The following PLEKHG4 variants were observed in gnomAD, a reference collection of about 807,000 sequenced individuals.
The protein encoded by PLEKHG4 is pleckstrin homology and RhoGEF domain containing G4.
A neutral mutation model predicts 136.9 loss-of-function variants in PLEKHG4; 85 were observed. The ratio of observed to expected loss-of-function variants is 0.62; its 90% CI spans 0.52 to 0.74. The LOEUF is 0.74. Ranked by LOEUF, PLEKHG4 falls within the 30% of genes least tolerant of loss-of-function variation. The pLI is 0.00. For synonymous variants in PLEKHG4, 577 were observed against 646.9 expected, an observed-to-expected ratio of 0.89 and a Z score of 1.64; for missense variants, 1,317 against 1,527.8, an observed-to-expected ratio of 0.86 and a Z score of 2.30.
Position 67,285,315 on chromosome 16 carries a change from G to T in PLEKHG4, c.2221G>T (p.Val741Leu). The change falls in exon 14 of 22, where the codon GTG becomes TTG. Residue 741 changes from valine to leucine, a missense_variant. Transcript: ENST00000379344. ...NRLQLVLAEM[V>L]ATEREYVRAL... ...GCTACAGCTGGTGCTGGCAGAGATG[G>T]TGGCCACGGAGCGGGAGTATGTCCG... The T allele has an allele frequency of 1.2e-6, 2 of 1,614,162 alleles. No individual in the cohort carries two copies. Among genetic ancestry groups the T allele is most frequent in the Non-Finnish European group, 1.7e-6 (2 of 1,180,042 alleles).
rs556550651 is a variant in PLEKHG4, at chr16:67,285,157, C to T, written c.2137C>T (p.Pro713Ser). Reference sequence around the variant, plus strand: ...ACCAGAGGCTGGAGGAGGTGCCCTGCCCCAGGCATCCCCTACTGTGCCTCC... The same window carrying T: ...ACCAGAGGCTGGAGGAGGTGCCCTGTCCCAGGCATCCCCTACTGTGCCTCC... Reference protein sequence around the residue: ...RRPEAGGGALPQASPTVPPPG... With the variant: ...RRPEAGGGALSQASPTVPPPG... Residue 713 changes from proline (P) to serine (S), a missense_variant, in exon 13 of 22, where the codon CCC (proline) becomes TCC (serine). Physicochemically the swap from Pro to Ser is moderately conservative, Grantham distance 74 (BLOSUM62 -1). Transcript: ENST00000379344. 7 of 1,613,408 alleles carry T rather than the reference C, an allele frequency of 4.3e-6. No homozygotes were observed. Among genetic ancestry groups the T allele is most frequent in the African/African-American group, 2.7e-5 (2 of 75,048 alleles).
chr16:67,287,397 C>T (rs2036525272), intron 18 of PLEKHG4, among the ~76,000 whole-genome samples: 2 of 152,146 alleles, frequency 1.3e-5, no homozygotes, highest in South Asian at 4.2e-4. Flanking sequence ...GGCATCATGG[C>T]TCTCTCTCTC....
chr16:67,285,679 A>G, intron 14 of PLEKHG4, 143 bp downstream of exon 14: 3 of 891,654 alleles, frequency 3.4e-6, no homozygotes, highest in Non-Finnish European at 5.4e-6. Flanking sequence ...GGGTGCTCTT[A>G]GTCCAGTAGA....
Position 67,285,187 on chromosome 16 carries a change from G to A in PLEKHG4, c.2167G>A (p.Gly723Ser), listed in dbSNP as rs535936713. 2 of 1,613,648 alleles carry A rather than the reference G, an allele frequency of 1.2e-6. No individual in the cohort carries two copies. The highest frequency in any genetic ancestry group is 3.3e-5 in the Admixed American group (2 of 60,028). The change falls in exon 13 of 22, where the codon GGC (glycine) becomes AGC (serine). Residue 723 changes from glycine (G) to serine (S), a missense_variant. Physicochemically the swap from Gly to Ser is moderately conservative, Grantham distance 56. Transcript: ENST00000379344. The part of the protein sequence containing the change: ...PQASPTVPPP[G>S]SSDPRSLNRL... Reference sequence around the variant, plus strand: ...GGCATCCCCTACTGTGCCTCCACCAGGCAGCTCTGACCCCAGGAGCCTCAA... The same window carrying A: ...GGCATCCCCTACTGTGCCTCCACCAAGCAGCTCTGACCCCAGGAGCCTCAA...
In PLEKHG4 at chr16:67,280,162, C is replaced by T; in HGVS notation, c.118C>T (p.Gln40Ter). 6.2e-7 allele frequency: 1 copy of T among 1,613,862 alleles called. No homozygotes were observed. The highest frequency in any genetic ancestry group is 1.1e-5 in the South Asian group (1 of 91,082). ...DAWEEEEPASQMHVKDPGPPR... is the reference protein window; with the variant it reads ...DAWEEEEPAS ...CTGGGAAGAGGAGGAACCTGCTTCC[C>T]AGATGCACGTTAAGGACCCAGGTCC... The change falls in exon 2 of 22, where the codon CAG (glutamine) becomes TAG (stop). Residue 40 changes from glutamine (Q) to a stop codon, truncating the protein, a stop_gained. Coordinates refer to ENST00000379344, the MANE Select transcript of PLEKHG4 (RefSeq NM_001129729.3). LOFTEE classifies it high-confidence loss of function. This position sits in a 1 kb window ranked among gnomAD's most constrained non-coding sequence, Gnocchi z 4.4.
rs199594589 is a variant in PLEKHG4 at position 67,280,843 on chromosome 16, G to A, written c.595+37G>A. The A allele has an allele frequency of 3.3e-3, 5,365 of 1,613,546 alleles. 10 individuals carry two copies. The highest frequency in any genetic ancestry group is 4.3e-3 in the Non-Finnish European group (5,104 of 1,180,032). Reference sequence around the variant, plus strand: ...GGCCTAGAGGCGGTGGAGGTGGAGTGGCCCAATACGGCAGGAGTTCACTGC... The same window carrying A: ...GGCCTAGAGGCGGTGGAGGTGGAGTAGCCCAATACGGCAGGAGTTCACTGC... On this transcript the variant is annotated intron_variant, in intron 3 of 21. Transcript: ENST00000379344. The surrounding 1 kb of genome is among the most constrained non-coding windows in gnomAD (Gnocchi z 4.4).
At position 67,288,951 on chromosome 16, in the gene PLEKHG4, T is replaced by A. The variant is rs1162978683; in HGVS notation, c.*143T>A. Reference sequence around the variant, plus strand: ...CAACGCTGTTGACTACCCTTTCTGATGTGTGTGGCCATTGGACTAACTGGC... The same window carrying A: ...CAACGCTGTTGACTACCCTTTCTGAAGTGTGTGGCCATTGGACTAACTGGC... On this transcript the variant is annotated 3_prime_UTR_variant, in exon 22 of 22. Transcript: ENST00000379344. 1 of 943,688 alleles carries A rather than the reference T, an allele frequency of 1.1e-6. No individual in the cohort carries two copies. The highest frequency in any genetic ancestry group is 1.7e-6 in the Non-Finnish European group (1 of 593,898). 58.5% of individuals were successfully genotyped at this position (943,688 alleles called of 1,614,324 possible). A position where few individuals can be genotyped will look rare whatever the true frequency, so the allele number is the denominator to read the frequency against.
Position 67,285,184 on chromosome 16 carries a change from C to T in PLEKHG4, c.2164C>T (p.Pro722Ser), listed in dbSNP as rs1304799304. The T allele has an allele frequency of 1.9e-6, 3 of 1,613,522 alleles. No homozygotes were observed. Among genetic ancestry groups the T allele is most frequent in the South Asian group, 2.2e-5 (2 of 91,094 alleles). ...CCAGGCATCCCCTACTGTGCCTCCA[C>T]CAGGCAGCTCTGACCCCAGGAGCCT... is the stretch of plus-strand genomic sequence containing the variant. ...LPQASPTVPP[P>S]GSSDPRSLNR... Residue 722 changes from proline to serine, a missense_variant, in exon 13 of 22, where the codon CCA becomes TCA. Physicochemically the swap from Pro to Ser is moderately conservative, Grantham distance 74. Transcript: ENST00000379344.
rs532500480 is a variant in PLEKHG4 at position 67,284,902 on chromosome 16, G to T, written c.1882G>T (p.Ala628Ser). ...SEAIRQECRW[A>S]WARCQDTWLA... The stretch of plus-strand genomic sequence containing the variant: ...GGCCATCCGCCAGGAGTGCCGCTGG[G>T]CCTGGGCGCGGTGCCAGGACACCTG... Residue 628 changes from alanine (A) to serine (S), a missense_variant, in exon 13 of 22, where the codon GCC (alanine) becomes TCC (serine). By Grantham distance (99) the Ala-to-Ser change is moderately conservative. Transcript: ENST00000379344. The surrounding 1 kb of genome is among the most constrained non-coding windows in gnomAD (Gnocchi z 4.4). 1 of 1,612,678 alleles carries T rather than the reference G, an allele frequency of 6.2e-7. No individual in the cohort carries two copies. The highest frequency in any genetic ancestry group is 1.3e-5 in the African/African-American group (1 of 75,040).
At chr16:67,287,297 C>A in intron 18 of PLEKHG4, 120 bp downstream of exon 18, 2 of 1,004,964 alleles carry the variant, frequency 2.0e-6, no homozygotes, top group South Asian at 2.7e-5. Context: ...GCGACAGCCA[C>A]CAGTGCAGGA....
In PLEKHG4 at chr16:67,287,616, C is replaced by T. The variant is rs1188404324; in HGVS notation, c.3104-282C>T. ...TTATATTGCCCAGACTGGTCTTGAA[C>T]TCCTGGGCTCAAACAATCCTCCTAC... On this transcript the variant is annotated intron_variant, in intron 18 of 21. Transcript: ENST00000379344. 4 of 533,148 alleles carry T rather than the reference C, an allele frequency of 7.5e-6. No homozygotes were observed. In the East Asian group the frequency reaches 1.4e-4, roughly 18 times the overall value. The allele number at this position is 533,148 out of a possible 1,614,324, so 33.0% of individuals were successfully genotyped here.
rs1343533176 is a variant in PLEKHG4, at chr16:67,286,316, C to T, written c.2485C>T (p.Pro829Ser). The change falls in exon 15 of 22, where the codon CCT becomes TCT. Residue 829 changes from proline (P) to serine (S), a missense_variant. By Grantham distance (74) the Pro-to-Ser change is moderately conservative. Transcript: ENST00000379344. ...GMYALYSKNKPRSDALMSSYG... is the reference protein window; with the variant it reads ...GMYALYSKNKSRSDALMSSYG... ...GTACGCGCTCTACAGCAAGAATAAG[C>T]CTCGCTCCGATGCCCTGATGTCAAG... 6.2e-7 allele frequency: 1 copy of T among 1,613,946 alleles called. No homozygotes were observed. The highest frequency in any genetic ancestry group is 8.5e-7 in the Non-Finnish European group (1 of 1,179,846).
rs748895283 is a variant in PLEKHG4 at position 67,280,102 on chromosome 16, G to C, written c.58G>C (p.Asp20His). 22 of 1,613,828 alleles carry C rather than the reference G, an allele frequency of 1.4e-5. No homozygotes were observed. Among genetic ancestry groups the C allele is most frequent in the Non-Finnish European group, 1.9e-5 (22 of 1,179,940 alleles). The change falls in exon 2 of 22, where the codon GAC (aspartate) becomes CAC (histidine). Residue 20 changes from aspartate to histidine, a missense_variant. By Grantham distance (81) the Asp-to-His change is moderately conservative (BLOSUM62 -1). Coordinates refer to ENST00000379344, the MANE Select transcript of PLEKHG4 (RefSeq NM_001129729.3). The surrounding 1 kb of genome is among the most constrained non-coding windows in gnomAD (Gnocchi z 4.4). Reference sequence around the variant, plus strand: ...CCCAGACTCTCAGGGCCATGCCACCGACTGGAGATTTGCTGTGTGCAGTTT... The same window carrying C: ...CCCAGACTCTCAGGGCCATGCCACCCACTGGAGATTTGCTGTGTGCAGTTT... The part of the protein sequence containing the change: ...ESPDSQGHAT[D>H]WRFAVCSFRD...
chr16:67,280,338 C>A lies in PLEKHG4; in HGVS notation c.294C>A (p.Gly98=). The part of the protein sequence containing the change: ...ESSSVLSEGP[G]PSGVESLLCP... ...CCTCAGTCCTGTCAGAAGGGCCAGG[C>A]CCCTCTGGAGTGGAGAGTCTCCTAT... Residue 98 remains glycine, a synonymous_variant, in exon 2 of 22, where the codon GGC becomes GGA. Transcript: ENST00000379344. This position sits in a 1 kb window ranked among gnomAD's most constrained non-coding sequence, Gnocchi z 4.4. 2 of 1,613,570 alleles carry A rather than the reference C, an allele frequency of 1.2e-6. No homozygotes were observed. Among genetic ancestry groups the A allele is most frequent in the Non-Finnish European group, 1.7e-6 (2 of 1,179,854 alleles).
In PLEKHG4 at chr16:67,282,849, G is replaced by C; in HGVS notation, c.1500G>C (p.Gln500His). Residue 500 changes from glutamine to histidine, a missense_variant, in exon 11 of 22, where the codon CAG (glutamine) becomes CAC (histidine). By Grantham distance (24) the Gln-to-His change is conservative. Transcript: ENST00000379344. ...QAQGSFQELY[Q>H]VAQEQVRQGE... The stretch of plus-strand genomic sequence containing the variant: ...AAGGCTCTTTTCAGGAGCTGTACCA[G>C]GTTGCCCAGGTATATGTGGTCACTT... 1.2e-6 allele frequency: 2 copies of C among 1,612,784 alleles called. No individual in the cohort carries two copies. The highest frequency in any genetic ancestry group is 1.7e-6 in the Non-Finnish European group (2 of 1,179,520).
chr16:67,282,621 CGG>C lies in PLEKHG4; in HGVS notation c.1374_1375del (p.Glu459LysfsTer7). On this transcript the variant is annotated frameshift_variant, in exon 10 of 22. Coordinates refer to ENST00000379344, the MANE Select transcript of PLEKHG4 (RefSeq NM_001129729.3). LOFTEE classifies it high-confidence loss of function. ...ALELVQTLEA[R>X]ESGLHQIEVW... ...AGAGTTGGTCCAAACACTGGAGGCC[CGG>C]GAAAGCGGACTGCACCAGGTCGGAA... 1 of 1,613,930 alleles carries C rather than the reference CGG, an allele frequency of 6.2e-7. No homozygotes were observed. Among genetic ancestry groups the C allele is most frequent in the Non-Finnish European group, 8.5e-7 (1 of 1,180,046 alleles).
intron 17 of PLEKHG4, 39 bp downstream of exon 17, chr16:67,286,958 C>A: frequency 1.2e-6 from 2 of 1,612,922 alleles, no homozygotes; most frequent in South Asian, 2.2e-5. Context: ...CTTGTTTTCC[C>A]GCCCCATGCC....
intron 7 of PLEKHG4, 61 bp from the exon 8 acceptor site, chr16:67,281,941 GCCTGGAA>G: frequency 6.5e-7 from 1 of 1,545,704 alleles, no homozygotes; most frequent in Non-Finnish European, 8.9e-7. Context: ...GGCTGCAGTG[GCCTGGAA>G]CCCAGGAAGC....
chr16:67,283,856 C>G (rs763242211), intron 11 of PLEKHG4, among the ~76,000 whole-genome samples: 12 of 151,928 alleles, frequency 7.9e-5, no homozygotes, highest in Non-Finnish European at 1.5e-4. Flanking sequence ...GTGCACTGTC[C>G]TCAGGATCCC....
Sources: gnomAD v4.1 joint callset for allele counts (sites outside exome capture counted in the v4.1 genomes callset) on GRCh38, gnomAD v4.1.1 for gene constraint, Gnocchi (gnomAD v3.1) non-coding constraint, MANE v1.5 for transcripts, NCBI Gene and HGNC (gene_info 2026-07-23, HGNC 2026-07-21) for gene names.